Variants in SMAD2 observed in about 807,000 individuals in gnomAD.
The protein encoded by SMAD2 is SMAD family member 2.
SMAD2 carries 8 observed loss-of-function variants against 64.4 expected under a neutral mutation model. The observed-to-expected ratio is 0.12, with a 90% CI of 0.07 to 0.22. SMAD2 has a LOEUF of 0.22. SMAD2 is among the 10% of genes least tolerant of loss of function. The pLI, the probability that SMAD2 is intolerant of heterozygous loss-of-function variation, is 1.00. For missense variants in SMAD2, 289 were observed against 561.2 expected (o/e 0.51, Z 4.90); for synonymous variants, 203 against 195.8 (o/e 1.04, Z -0.31).
intron 1 of SMAD2, among the ~76,000 whole-genome samples, chr18:47,923,912 T>A (rs114548154): frequency 0.022 from 3,423 of 152,234 alleles, 125 homozygotes; most frequent in African/African-American, 0.078. Flanking sequence ...AAAAAAAGTT[T>A]AATTGATCAG....
intron 10 of SMAD2, among the ~76,000 whole-genome samples, chr18:47,842,819 C>G (rs1380587195): frequency 1.3e-5 from 2 of 152,134 alleles, no homozygotes; most frequent in Non-Finnish European, 2.9e-5. Context: ...TTTAATAGTG[C>G]TTCAACAAAA....
chr18:47,888,330 G>C (rs991381777), intron 2 of SMAD2, among the ~76,000 whole-genome samples: 2 of 152,162 alleles, frequency 1.3e-5, no homozygotes, highest in Admixed American at 6.6e-5. Flanking sequence ...CTGGAGTCAC[G>C]TGTAGATTCT....
At chr18:47,862,650 T>G (rs2144355395) in intron 6 of SMAD2, among the ~76,000 whole-genome samples, 1 of 152,334 alleles carries the variant, frequency 6.6e-6, no homozygotes, top group South Asian at 2.1e-4. Flanking sequence ...GGCCACATTC[T>G]GAGGTATTGG....
rs533118475 is a variant in SMAD2 at position 47,812,988 on chromosome 18, G to A, written c.*28839C>T. ...CCCAGCAGTTTGGGAGACCAAGGCA[G>A]GTGGATCACCTGAGGTCAGGAGTTT... On this transcript the variant is annotated 3_prime_UTR_variant, in exon 11 of 11. Coordinates refer to ENST00000262160, the MANE Select transcript of SMAD2 (RefSeq NM_005901.6). 3 of 152,332 alleles carry A rather than the reference G, an allele frequency of 2.0e-5. No individual in the cohort carries two copies. The South Asian group carries it at 6.2e-4, about 32-fold the overall frequency. The allele number at this position is 152,332 out of a possible 1,614,324, so 9.4% of individuals were successfully genotyped here. A position where few individuals can be genotyped will look rare whatever the true frequency, so the allele number is the denominator to read the frequency against.
At position 47,840,785 on chromosome 18, in the gene SMAD2, G is replaced by A. The variant is rs932463432; in HGVS notation, c.*1042C>T. 4.3e-5 allele frequency: 10 copies of A among 230,980 alleles called. No homozygotes were observed. Among genetic ancestry groups the A allele is most frequent in the East Asian group, 6.1e-5 (1 of 16,274 alleles). 14.3% of individuals were successfully genotyped at this position (230,980 alleles called of 1,614,324 possible). On this transcript the variant is annotated 3_prime_UTR_variant, in exon 11 of 11. Transcript: ENST00000262160. ...TATTGTAAAATACCTTTGGAAAAAC[G>A]GTATTTATAGATTAGCTTTTTTAAA...
intron 1 of SMAD2, among the ~76,000 whole-genome samples, chr18:47,909,309 T>C (rs1198824772): frequency 6.6e-6 from 1 of 152,020 alleles, no homozygotes; most frequent in Non-Finnish European, 1.5e-5. Context: ...AGCTGGAAAA[T>C]TTAATGAAAT....
intron 2 of SMAD2, among the ~76,000 whole-genome samples, chr18:47,874,200 A>G (rs1049604334): frequency 6.6e-6 from 1 of 152,184 alleles, no homozygotes; most frequent in African/African-American, 2.4e-5. Flanking sequence ...AAGCTGATAT[A>G]AAATGTATAT....
At chr18:47,898,452 AG>A (rs1254722939) in intron 1 of SMAD2, among the ~76,000 whole-genome samples, 1 of 152,226 alleles carries the variant, frequency 6.6e-6, no homozygotes, top group Non-Finnish European at 1.5e-5. Flanking sequence ...ACATTTTTAA[AG>A]GAAAAAAACA....
At chr18:47,902,347 T>G (rs775156988) in intron 1 of SMAD2, among the ~76,000 whole-genome samples, 1 of 152,230 alleles carries the variant, frequency 6.6e-6, no homozygotes, top group Non-Finnish European at 1.5e-5. Flanking sequence ...GTTGTTTTAT[T>G]AAGAGTCTTG....
intron 1 of SMAD2, chr18:47,912,177 A>G (rs550381092): frequency 1.3e-4 from 20 of 152,370 alleles, no homozygotes; most frequent in Middle Eastern, 3.4e-3. Context: ...TCACTAAAAT[A>G]CGGTGCACAG....
intron 1 of SMAD2, among the ~76,000 whole-genome samples, chr18:47,914,010 A>C (rs2034242159): frequency 6.6e-6 from 1 of 152,260 alleles, no homozygotes; most frequent in African/African-American, 2.4e-5. Flanking sequence ...GGAAAGTTTC[A>C]ATAAGGTAAG....
rs908078777 is a variant in SMAD2 at position 47,812,005 on chromosome 18, G to A, written c.*29822C>T. 1 of 152,190 alleles carries A rather than the reference G, an allele frequency of 6.6e-6. No individual in the cohort carries two copies. Among genetic ancestry groups the A allele is most frequent in the African/African-American group, 2.4e-5 (1 of 41,432 alleles). 9.4% of individuals were successfully genotyped at this position (152,190 alleles called of 1,614,324 possible). A position where few individuals can be genotyped will look rare whatever the true frequency, so the allele number is the denominator to read the frequency against. ...TAGTCTGTTCTCACACTGCTATAAA[G>A]AAATACCTGAGACTGGGTAATTTAT... On this transcript the variant is annotated 3_prime_UTR_variant, in exon 11 of 11. Coordinates refer to ENST00000262160, the MANE Select transcript of SMAD2 (RefSeq NM_005901.6).
rs1912895435 is a variant in SMAD2, at chr18:47,829,261, C to T, written c.*12566G>A. The T allele has an allele frequency of 6.6e-6, 1 of 152,122 alleles. No individual in the cohort carries two copies. Among genetic ancestry groups the T allele is most frequent in the Non-Finnish European group, 1.5e-5 (1 of 68,002 alleles). 9.4% of individuals were successfully genotyped at this position (152,122 alleles called of 1,614,324 possible). On this transcript the variant is annotated 3_prime_UTR_variant, in exon 11 of 11. Transcript: ENST00000262160. ...CCCTTACCCAATCCCAACAAACAACCATCAATGTCCTATTCATTCATACCT... is the reference window on the plus strand; with the variant it reads ...CCCTTACCCAATCCCAACAAACAACTATCAATGTCCTATTCATTCATACCT...
intron 3 of SMAD2, among the ~76,000 whole-genome samples, chr18:47,869,840 T>G (rs952722362): frequency 6.6e-6 from 1 of 152,166 alleles, no homozygotes; most frequent in Non-Finnish European, 1.5e-5. Flanking sequence ...AAGGAACTAG[T>G]GTGAAGAATG....
intron 5 of SMAD2, among the ~76,000 whole-genome samples, chr18:47,866,000 A>G (rs1288948328): frequency 6.6e-6 from 1 of 152,148 alleles, no homozygotes; most frequent in Non-Finnish European, 1.5e-5. Flanking sequence ...ACAAAGACAC[A>G]TATCCAAACA....
chr18:47,901,903 A>C (rs2033700666), intron 1 of SMAD2, among the ~76,000 whole-genome samples: 1 of 152,184 alleles, frequency 6.6e-6, no homozygotes, highest in Non-Finnish European at 1.5e-5. Context: ...CGGGGGAAGA[A>C]ACTGGGTGTG....
rs1913850767 is a variant in SMAD2, at chr18:47,840,622, T to C, written c.*1205A>G. On this transcript the variant is annotated 3_prime_UTR_variant, in exon 11 of 11. Coordinates refer to ENST00000262160, the MANE Select transcript of SMAD2 (RefSeq NM_005901.6). ...ATACTTTAAAAACAGATGGCCCATA[T>C]CTGCTGATCCTACCTCAGCATCACT... 3 of 231,944 alleles carry C rather than the reference T, an allele frequency of 1.3e-5. No homozygotes were observed. The highest frequency in any genetic ancestry group is 6.1e-5 in the East Asian group (1 of 16,402). 14.4% of individuals were successfully genotyped at this position (231,944 alleles called of 1,614,324 possible).
intron 1 of SMAD2, among the ~76,000 whole-genome samples, chr18:47,908,999 C>G (rs1390159998): frequency 1.3e-5 from 2 of 151,364 alleles, no homozygotes. Flanking sequence ...GTATGTACCA[C>G]AGACTGAGGT....
intron 1 of SMAD2, among the ~76,000 whole-genome samples, chr18:47,912,713 A>C (rs1299617642): frequency 2.0e-5 from 3 of 152,156 alleles, no homozygotes; most frequent in Non-Finnish European, 4.4e-5. Flanking sequence ...TAGCATGAGT[A>C]ATCTCTCTGT....
Sources: allele counts gnomAD v4.1 joint callset (sites outside exome capture counted in the v4.1 genomes callset), GRCh38; gene constraint gnomAD v4.1.1; transcripts MANE v1.5; gene names NCBI Gene and HGNC (gene_info 2026-07-23, HGNC 2026-07-21).